The following R3HDM1 variants were observed in gnomAD, a reference collection of about 807,000 sequenced individuals.
R3HDM1 encodes R3H domain-containing protein 1.
R3HDM1 carries 46 observed loss-of-function variants against 141.1 expected under a neutral mutation model. The observed-to-expected ratio is 0.33, with a 90% CI of 0.26 to 0.42. The LOEUF is 0.42. Among genes scored for constraint, R3HDM1 ranks in the 10% least tolerant of loss-of-function variants. The pLI is 1.00. For synonymous variants in R3HDM1, 435 were observed against 472.9 expected, an observed-to-expected ratio of 0.92 and a Z score of 1.04; for missense variants, 1,184 against 1,368.3, an observed-to-expected ratio of 0.87 and a Z score of 2.12.
At chr2:135,605,048 C>T in intron 3 of R3HDM1, 32 bp downstream of exon 3, 1 of 1,460,014 alleles carries the variant, frequency 6.8e-7, no homozygotes. Context: ...GCTACAAATA[C>T]TAAATATTCA....
At chr2:135,624,393 CAAA>C (rs781574838) in intron 7 of R3HDM1, among the ~76,000 whole-genome samples, 4 of 61,776 alleles carry the variant, frequency 6.5e-5, no homozygotes, top group African/African-American at 6.2e-5. Flanking sequence ...GACTCCGTCT[CAAA>C]AAAAAAAAAA....
chr2:135,643,072 CTGAT>C lies in R3HDM1; in HGVS notation c.1474+1285_1474+1288del, dbSNP rs572639146. Among the ~76,000 whole-genome samples, 75 of 152,200 alleles carry C rather than the reference CTGAT, an allele frequency of 4.9e-4. 1 individual carries two copies. The highest frequency in any genetic ancestry group is 3.4e-3 in the Middle Eastern group (1 of 294). On this transcript the variant is annotated intron_variant, in intron 15 of 26. Transcript: ENST00000683871. ...GCTTAGGAAGGGATAGAGTGAGAAA[CTGAT>C]TGGTCTGAAATTGAATTGTACTATT...
intron 15 of R3HDM1, among the ~76,000 whole-genome samples, chr2:135,642,923 G>C (rs1373334652): frequency 1.3e-5 from 2 of 151,814 alleles, no homozygotes; most frequent in Non-Finnish European, 2.9e-5. Flanking sequence ...TATTCTTCAG[G>C]TTATTATGTT....
Position 135,638,476 on chromosome 2 carries a change from C to T in R3HDM1, c.904-142C>T, listed in dbSNP as rs931208493. 1.2e-4 allele frequency: 97 copies of T among 786,770 alleles called. No homozygotes were observed. In the African/African-American group the frequency reaches 1.6e-3, roughly 13 times the overall value. 48.7% of individuals were successfully genotyped at this position (786,770 alleles called of 1,614,324 possible). A position where few individuals can be genotyped will look rare whatever the true frequency, so the allele number is the denominator to read the frequency against. ...GATCTCCAAACCAGAAAAAAAATTC[C>T]ATTATTATTTATTTGTGTACCCTTA... is the stretch of plus-strand genomic sequence containing the variant. On this transcript the variant is annotated intron_variant, in intron 11 of 26. Coordinates refer to ENST00000683871, the MANE Select transcript of R3HDM1 (RefSeq NM_001378107.1).
chr2:135,588,697 A>G (rs892310111), intron 1 of R3HDM1, among the ~76,000 whole-genome samples: 4 of 152,070 alleles, frequency 2.6e-5, no homozygotes, highest in African/African-American at 9.7e-5. Context: ...TATTAAAGGG[A>G]ATTATTTTTC....
chr2:135,684,983 C>T (rs1157593138), intron 21 of R3HDM1, among the ~76,000 whole-genome samples: 2 of 152,098 alleles, frequency 1.3e-5, no homozygotes, highest in African/African-American at 4.8e-5. Context: ...AAGCTGGTCT[C>T]GAACTCCAAG....
intron 9 of R3HDM1, chr2:135,633,593 T>TA (rs1387960626): frequency 7.7e-5 from 11 of 143,460 alleles, no homozygotes; most frequent in South Asian, 2.4e-4. Flanking sequence ...CACTGTACTT[T>TA]TTATATATAT....
In R3HDM1 at chr2:135,579,472, G is replaced by T. The variant is rs375122815; in HGVS notation, c.-249-23028G>T. 3.3e-5 allele frequency among the ~76,000 whole-genome samples: 5 copies of T among 151,910 alleles called. No homozygotes were observed. In the East Asian group the frequency reaches 9.6e-4, roughly 29 times the overall value. On this transcript the variant is annotated intron_variant, in intron 1 of 26. Transcript: ENST00000683871. ...GACAACACTATGATAAATATTGCATGCAAGAACTATCAGCAGATACTCAAT... is the reference window on the plus strand; with the variant it reads ...GACAACACTATGATAAATATTGCATTCAAGAACTATCAGCAGATACTCAAT...
chr2:135,690,381 T>C (rs1421675405), intron 21 of R3HDM1, among the ~76,000 whole-genome samples: 1 of 152,212 alleles, frequency 6.6e-6, no homozygotes, highest in Non-Finnish European at 1.5e-5. Flanking sequence ...ATGTAATAAA[T>C]AAAATTTTGA....
chr2:135,587,576 G>C (rs1708224357), intron 1 of R3HDM1, among the ~76,000 whole-genome samples: 1 of 152,046 alleles, frequency 6.6e-6, no homozygotes, highest in African/African-American at 2.4e-5. Context: ...TCTTCTATCA[G>C]ATGCATTGCT....
intron 1 of R3HDM1, among the ~76,000 whole-genome samples, chr2:135,554,679 TA>T (rs1450114348): frequency 6.6e-6 from 1 of 152,092 alleles, no homozygotes; most frequent in African/African-American, 2.4e-5. Context: ...CTGGTGTCTA[TA>T]AAAAGGGGAA....
intron 21 of R3HDM1, among the ~76,000 whole-genome samples, chr2:135,707,719 T>C (rs930287296): frequency 6.6e-6 from 1 of 152,212 alleles, no homozygotes; most frequent in Non-Finnish European, 1.5e-5. Context: ...TCTGGGGACC[T>C]TTCTGTTTTC....
intron 19 of R3HDM1, chr2:135,669,582 T>C (rs2068022516): frequency 1.0e-6 from 1 of 985,120 alleles, no homozygotes; most frequent in Admixed American, 6.1e-5. Context: ...ACTGTAATAC[T>C]TTTTCTTCTT....
intron 21 of R3HDM1, among the ~76,000 whole-genome samples, chr2:135,686,559 G>C (rs993814565): frequency 6.6e-6 from 1 of 152,108 alleles, no homozygotes; most frequent in East Asian, 1.9e-4. Context: ...AACACAGGGA[G>C]ACCCCATTTC....
chr2:135,536,275 G>A (rs190751113), intron 1 of R3HDM1, among the ~76,000 whole-genome samples: 1 of 152,060 alleles, frequency 6.6e-6, no homozygotes, highest in Non-Finnish European at 1.5e-5. Context: ...AAGTAACTAC[G>A]ACTACAAACT....
rs910889855 is a variant in R3HDM1, at chr2:135,624,319, C to T, written c.497+1587C>T. 3.4e-5 allele frequency among the ~76,000 whole-genome samples: 5 copies of T among 148,622 alleles called. No homozygotes were observed. The East Asian group carries it at 1.0e-3, about 30-fold the overall frequency. ...CTGAGGCAGGGGAATGGTGTAAACC[C>T]GGGAGGCAGAGCTTGCAGTGAGTAG... On this transcript the variant is annotated intron_variant, in intron 7 of 26. Transcript: ENST00000683871.
At chr2:135,541,398 C>A (rs557678683) in intron 1 of R3HDM1, among the ~76,000 whole-genome samples, 2 of 151,974 alleles carry the variant, frequency 1.3e-5, no homozygotes, top group Admixed American at 6.6e-5. Flanking sequence ...TTAGTAGAGA[C>A]GAGGTTTCAC....
At chr2:135,709,940 T>A in intron 22 of R3HDM1, 119 bp from the exon 23 acceptor site, 1 of 1,074,942 alleles carries the variant, frequency 9.3e-7, no homozygotes, top group Non-Finnish European at 1.3e-6. Context: ...CCTGGTTTTC[T>A]TAGTTAATAG....
chr2:135,569,968 T>A (rs1027880287), intron 1 of R3HDM1, among the ~76,000 whole-genome samples: 1 of 152,114 alleles, frequency 6.6e-6, no homozygotes, highest in African/African-American at 2.4e-5. Context: ...CCTCGTGATC[T>A]GTCCGCCTCG....
Sources: allele counts gnomAD v4.1 joint callset (sites outside exome capture counted in the v4.1 genomes callset), GRCh38; gene constraint gnomAD v4.1.1; transcripts MANE v1.5; gene names NCBI Gene and HGNC (gene_info 2026-07-23, HGNC 2026-07-21).